Variants in UBAC2 observed in about 807,000 individuals in gnomAD.
The protein encoded by UBAC2 is ubiquitin-associated domain-containing protein 2.
In UBAC2, 26 loss-of-function variants were observed where a neutral mutation model predicts 44.0. That is an observed-to-expected ratio of 0.59 (90% confidence interval 0.43 to 0.82). The LOEUF (loss-of-function observed/expected upper bound fraction) is 0.82, where lower values mean the gene tolerates loss of function less well. Among genes scored for constraint, UBAC2 ranks in the 40% least tolerant of loss-of-function variants. The pLI, the probability that UBAC2 is intolerant of heterozygous loss-of-function variation, is 0.00. For synonymous variants in UBAC2, 155 were observed against 154.3 expected (o/e 1.00, Z -0.04); for missense variants, 329 against 419.4 (o/e 0.78, Z 1.88).
chr13:99,284,228 GA>G (rs569714940), intron 4 of UBAC2, among the ~76,000 whole-genome samples: 135 of 152,266 alleles, frequency 8.9e-4, no homozygotes, highest in Non-Finnish European at 9.7e-4. Flanking sequence ...ACAATGCAAA[GA>G]AAAAAAGTTC....
At chr13:99,336,681 T>C (rs1013421361) in intron 6 of UBAC2, among the ~76,000 whole-genome samples, 3 of 152,204 alleles carry the variant, frequency 2.0e-5, no homozygotes, top group Non-Finnish European at 4.4e-5. Context: ...CTGTTTTAGG[T>C]AGCCAAACTT....
chr13:99,361,471 C>T (rs1391165127), intron 7 of UBAC2, among the ~76,000 whole-genome samples: 2 of 152,138 alleles, frequency 1.3e-5, no homozygotes, highest in Non-Finnish European at 2.9e-5. Flanking sequence ...CTCTTTGATT[C>T]TCTCACTCTC....
In UBAC2 at chr13:99,295,886, C is replaced by T. The variant is rs1223881941; in HGVS notation, c.390-18211C>T. The T allele has an allele frequency of 3.1e-6, 5 of 1,610,858 alleles. No individual in the cohort carries two copies. Among genetic ancestry groups the T allele is most frequent in the Non-Finnish European group, 4.2e-6 (5 of 1,178,226 alleles). On this transcript the variant is annotated intron_variant, in intron 4 of 8. Transcript: ENST00000403766. The surrounding 1 kb of genome is among the most constrained non-coding windows in gnomAD (Gnocchi z 4.1). The stretch of plus-strand genomic sequence containing the variant: ...AAAGCCCATTGCATAGTAGGCTATT[C>T]GTGTAGGCAAAGCGGTGGTAAAAAG...
chr13:99,383,017 TCAA>T (rs1160312830), intron 8 of UBAC2, among the ~76,000 whole-genome samples: 1 of 152,100 alleles, frequency 6.6e-6, no homozygotes, highest in Non-Finnish European at 1.5e-5. Flanking sequence ...AAGGGCAAAA[TCAA>T]GAGCTGTGGC....
chr13:99,256,972 G>C (rs531673883), intron 4 of UBAC2, among the ~76,000 whole-genome samples: 1 of 152,280 alleles, frequency 6.6e-6, no homozygotes, highest in South Asian at 2.1e-4. Context: ...GGAAAACTAT[G>C]GGGGAGATTT....
rs138660274 is a variant in UBAC2, at chr13:99,303,802, T to A, written c.390-10295T>A. ...AGGGAGGAACATTAAATATCATTAT[T>A]TTATGGATAAACTGAATTCCAGGTC... On this transcript the variant is annotated intron_variant, in intron 4 of 8. Transcript: ENST00000403766. Among the ~76,000 whole-genome samples, 20 of 152,342 alleles carry A rather than the reference T, an allele frequency of 1.3e-4. No homozygotes were observed. In the East Asian group the frequency reaches 3.9e-3, roughly 29 times the overall value.
At position 99,227,847 on chromosome 13, in the gene UBAC2, A is replaced by G. The variant is rs149459502; in HGVS notation, c.32-10580A>G. On this transcript the variant is annotated intron_variant, in intron 1 of 8. Transcript: ENST00000403766. ...AACCGTTCATTTATTCATTTGGTGC[A>G]TGTGTTGGGAGTTTGGTATTCAAGT... 6.6e-5 allele frequency among the ~76,000 whole-genome samples: 10 copies of G among 152,292 alleles called. No individual in the cohort carries two copies. The East Asian group carries it at 1.4e-3, about 21-fold the overall frequency.
chr13:99,347,329 C>A lies in UBAC2; in HGVS notation c.807+6764C>A, dbSNP rs1273298263. Among the ~76,000 whole-genome samples the A allele has an allele frequency of 1.9e-4, 16 of 85,512 alleles. 2 individuals are homozygous for A. The highest frequency in any genetic ancestry group is 4.0e-4 in the South Asian group (1 of 2,504). The allele number at this position is 85,512 out of a possible 152,430, so 56.1% of individuals were successfully genotyped here. ...TTACTATCCCCGGGCGCCCCCCCCCCCCCCCAGGAAAAAAAAGGCAAGTGA... is the reference window on the plus strand; with the variant it reads ...TTACTATCCCCGGGCGCCCCCCCCCACCCCCAGGAAAAAAAAGGCAAGTGA... On this transcript the variant is annotated intron_variant, in intron 7 of 8. Coordinates refer to ENST00000403766, the MANE Select transcript of UBAC2 (RefSeq NM_001144072.2).
chr13:99,316,862 C>G (rs776809491), intron 5 of UBAC2, among the ~76,000 whole-genome samples: 2 of 152,304 alleles, frequency 1.3e-5, no homozygotes, highest in East Asian at 3.9e-4. Context: ...CTTAACCACT[C>G]GGTTTTACTG....
chr13:99,350,294 T>C (rs143296748), intron 7 of UBAC2, among the ~76,000 whole-genome samples: 1 of 152,274 alleles, frequency 6.6e-6, no homozygotes, highest in East Asian at 1.9e-4. Context: ...CAGTGAGAAG[T>C]GTCTTTTCAC....
rs139363590 is a variant in UBAC2 at position 99,386,418 on chromosome 13, A to C, written c.*1083A>C. ...TGTTGATACTTACAATAAAGTTTTTAATGTGTTTTACTCTTCAGTATTTTT... is the reference window on the plus strand; with the variant it reads ...TGTTGATACTTACAATAAAGTTTTTCATGTGTTTTACTCTTCAGTATTTTT... On this transcript the variant is annotated 3_prime_UTR_variant, in exon 9 of 9. Transcript: ENST00000403766. 26 of 152,266 alleles carry C rather than the reference A, an allele frequency of 1.7e-4. No individual in the cohort carries two copies. The highest frequency in any genetic ancestry group is 6.3e-4 in the African/African-American group (26 of 41,478). 9.4% of individuals were successfully genotyped at this position (152,266 alleles called of 1,614,324 possible).
chr13:99,263,823 G>C (rs11842400), intron 4 of UBAC2, among the ~76,000 whole-genome samples: 159 of 152,116 alleles, frequency 1.0e-3, no homozygotes, highest in African/African-American at 3.7e-3. Flanking sequence ...TGATACACAG[G>C]GCAGATAGAA....
chr13:99,269,229 G>A (rs964855766), intron 4 of UBAC2, among the ~76,000 whole-genome samples: 4 of 152,112 alleles, frequency 2.6e-5, no homozygotes, highest in Non-Finnish European at 2.9e-5. Flanking sequence ...CCTTTAAACC[G>A]TGAGCATTCT....
intron 7 of UBAC2, 101 bp from the exon 8 acceptor site, chr13:99,367,686 C>T: frequency 1.3e-6 from 2 of 1,484,500 alleles, no homozygotes; most frequent in Non-Finnish European, 1.9e-6. Context: ...ATACTTCCTT[C>T]CCAGTCTATA....
intron 4 of UBAC2, among the ~76,000 whole-genome samples, chr13:99,264,223 T>C (rs2043709399): frequency 6.6e-6 from 1 of 152,106 alleles, no homozygotes; most frequent in Non-Finnish European, 1.5e-5. Flanking sequence ...ACCAGGGAAA[T>C]GTACACTGTG....
chr13:99,213,189 C>T (rs2042953874), intron 1 of UBAC2, among the ~76,000 whole-genome samples: 2 of 151,614 alleles, frequency 1.3e-5, no homozygotes, highest in African/African-American at 4.8e-5. Context: ...TATTAAAAAA[C>T]GTGAGTTAGA....
intron 1 of UBAC2, among the ~76,000 whole-genome samples, chr13:99,217,858 C>T (rs752820): frequency 0.14 from 20,796 of 152,194 alleles, 1,658 homozygotes; most frequent in East Asian, 0.32. Flanking sequence ...CAGCGTCCAC[C>T]GAGCTCGTGC....
At position 99,232,401 on chromosome 13, in the gene UBAC2, TATAG is replaced by T. The variant is rs1366576922; in HGVS notation, c.32-6022_32-6019del. 1.2e-4 allele frequency among the ~76,000 whole-genome samples: 11 copies of T among 94,978 alleles called. 1 individual carries two copies. The highest frequency in any genetic ancestry group is 2.6e-4 in the Non-Finnish European group (10 of 38,378). 62.3% of individuals were successfully genotyped at this position (94,978 alleles called of 152,430 possible). ...ACCCTGTCCATCCTTAGTTGAGAGATATAGATATATATATATATATTCACACACA... is the reference window on the plus strand; with the variant it reads ...ACCCTGTCCATCCTTAGTTGAGAGATATATATATATATATATTCACACACA... On this transcript the variant is annotated intron_variant, in intron 1 of 8. Coordinates refer to ENST00000403766, the MANE Select transcript of UBAC2 (RefSeq NM_001144072.2).
intron 4 of UBAC2, among the ~76,000 whole-genome samples, chr13:99,281,901 C>G (rs965817738): frequency 6.6e-6 from 1 of 152,116 alleles, no homozygotes; most frequent in African/African-American, 2.4e-5. Context: ...GAGTGTCTTA[C>G]CAGGGAGCAG....
Sources: allele counts gnomAD v4.1 joint callset (sites outside exome capture counted in the v4.1 genomes callset), GRCh38; gene constraint gnomAD v4.1.1; non-coding constraint Gnocchi (gnomAD v3.1); transcripts MANE v1.5; gene names NCBI Gene and HGNC (gene_info 2026-07-23, HGNC 2026-07-21).